The following CNNM2 variants were observed in gnomAD, a reference collection of about 807,000 sequenced individuals.
CNNM2 encodes the protein metal transporter CNNM2.
In CNNM2, 12 loss-of-function variants were observed where a neutral mutation model predicts 66.9. The ratio of observed to expected loss-of-function variants is 0.18; its 90% CI spans 0.11 to 0.29. The LOEUF is 0.29. Ranked by LOEUF, CNNM2 falls within the 10% of genes least tolerant of loss-of-function variation. The pLI is 1.00. For synonymous variants in CNNM2, 557 were observed against 501.8 expected, an observed-to-expected ratio of 1.11 and a Z score of -1.47; for missense variants, 705 against 1,167.7, an observed-to-expected ratio of 0.60 and a Z score of 5.77.
intron 1 of CNNM2, among the ~76,000 whole-genome samples, chr10:103,000,584 G>C (rs1459291369): frequency 6.6e-6 from 1 of 152,044 alleles, no homozygotes; most frequent in Admixed American, 6.6e-5. Flanking sequence ...CTCCCAAGTA[G>C]CTGGGATTAC....
At chr10:103,004,424 TC>T (rs1186299374) in intron 1 of CNNM2, among the ~76,000 whole-genome samples, 2 of 152,208 alleles carry the variant, frequency 1.3e-5, no homozygotes, top group East Asian at 3.8e-4. Context: ...TTGGTGGACA[TC>T]TGTGTGCATT....
intron 1 of CNNM2, among the ~76,000 whole-genome samples, chr10:102,923,295 C>T (rs1845725193): frequency 6.6e-6 from 1 of 152,156 alleles, no homozygotes; most frequent in African/African-American, 2.4e-5. Flanking sequence ...TTATTACTTA[C>T]CTATGTATTC....
At chr10:103,047,654 A>C (rs1173114424) in intron 1 of CNNM2, among the ~76,000 whole-genome samples, 2 of 152,154 alleles carry the variant, frequency 1.3e-5, no homozygotes. Flanking sequence ...AATTATTCCA[A>C]AGTAAGAATT....
At chr10:103,010,019 T>C (rs947865437) in intron 1 of CNNM2, among the ~76,000 whole-genome samples, 1 of 151,956 alleles carries the variant, frequency 6.6e-6, no homozygotes, top group African/African-American at 2.4e-5. Flanking sequence ...TTTATTAAAA[T>C]ATCATGTCAA....
At chr10:103,041,874 A>G (rs1219291864) in intron 1 of CNNM2, among the ~76,000 whole-genome samples, 2 of 151,928 alleles carry the variant, frequency 1.3e-5, no homozygotes, top group African/African-American at 2.4e-5. Context: ...GGGCACCCCC[A>G]TGCTTAGCGC....
chr10:102,952,622 CAAAA>C (rs35818455), intron 1 of CNNM2, among the ~76,000 whole-genome samples: 2 of 127,086 alleles, frequency 1.6e-5, no homozygotes, highest in Admixed American at 7.9e-5. Flanking sequence ...CTGTCTCTAC[CAAAA>C]AAAAAAAAAA....
In CNNM2 at chr10:102,965,993, C is replaced by A. The variant is rs200011695; in HGVS notation, c.1621+45892C>A. On this transcript the variant is annotated intron_variant, in intron 1 of 7. Transcript: ENST00000369878. ...CTTAACCAAGATTTTTGCCAGAAAGCCTTTCCTTCTCTTGGAATTTTATGC... is the reference window on the plus strand; with the variant it reads ...CTTAACCAAGATTTTTGCCAGAAAGACTTTCCTTCTCTTGGAATTTTATGC... Among the ~76,000 whole-genome samples, 11 of 152,192 alleles carry A rather than the reference C, an allele frequency of 7.2e-5. No homozygotes were observed. In the East Asian group the frequency reaches 2.1e-3, roughly 29 times the overall value.
At chr10:103,006,656 T>G (rs1250238187) in intron 1 of CNNM2, among the ~76,000 whole-genome samples, 11 of 152,212 alleles carry the variant, frequency 7.2e-5, no homozygotes. Flanking sequence ...ACTTAGGGTC[T>G]CACTCTGTCA....
intron 1 of CNNM2, among the ~76,000 whole-genome samples, chr10:102,968,915 T>G (rs1272288586): frequency 6.1e-5 from 9 of 148,352 alleles, no homozygotes; most frequent in Non-Finnish European, 1.3e-4. Context: ...GCTGTCTTTT[T>G]TTTTTTTTTT....
intron 1 of CNNM2, among the ~76,000 whole-genome samples, chr10:102,977,580 G>A (rs1338783172): frequency 6.6e-6 from 1 of 152,116 alleles, no homozygotes; most frequent in East Asian, 1.9e-4. Context: ...CAGCACTTTG[G>A]GAGGCCAAGG....
At chr10:102,992,473 A>G (rs1317194764) in intron 1 of CNNM2, among the ~76,000 whole-genome samples, 2 of 151,802 alleles carry the variant, frequency 1.3e-5, no homozygotes, top group African/African-American at 4.8e-5. Flanking sequence ...GGGTTTCACC[A>G]TGTTGGCCAG....
chr10:103,037,289 A>G (rs1198173415), intron 1 of CNNM2, among the ~76,000 whole-genome samples: 2 of 148,908 alleles, frequency 1.3e-5, no homozygotes, highest in Non-Finnish European at 3.0e-5. Flanking sequence ...TTATTTTTAT[A>G]TATAATACAT....
At chr10:102,948,702 G>A (rs1278187712) in intron 1 of CNNM2, among the ~76,000 whole-genome samples, 1 of 152,146 alleles carries the variant, frequency 6.6e-6, no homozygotes, top group Non-Finnish European at 1.5e-5. Context: ...GGTCTTCTGT[G>A]TGGAAAATCT....
intron 1 of CNNM2, among the ~76,000 whole-genome samples, chr10:103,029,899 G>A (rs983619069): frequency 6.6e-6 from 1 of 151,790 alleles, no homozygotes; most frequent in Admixed American, 6.6e-5. Flanking sequence ...AGGAGAGTGA[G>A]ATAGTTATTA....
At chr10:103,034,358 A>C (rs1474525568) in intron 1 of CNNM2, among the ~76,000 whole-genome samples, 3 of 151,822 alleles carry the variant, frequency 2.0e-5, no homozygotes, top group Non-Finnish European at 4.4e-5. Flanking sequence ...AACAAAAAAA[A>C]CCATTACTTT....
intron 1 of CNNM2, among the ~76,000 whole-genome samples, chr10:103,028,814 C>CTTTTTTTTTTTTTT (rs67846722): frequency 1.6e-5 from 2 of 126,180 alleles, no homozygotes; most frequent in Non-Finnish European, 3.2e-5. Flanking sequence ...TTTTCTTTTT[C>CTTTTTTTTTTTTTT]TTTTTTTTTT....
intron 1 of CNNM2, among the ~76,000 whole-genome samples, chr10:102,969,028 T>C (rs930567916): frequency 2.0e-5 from 3 of 150,618 alleles, no homozygotes; most frequent in Non-Finnish European, 4.4e-5. Flanking sequence ...ATCCTCCCAC[T>C]TAAACTTTCC....
chr10:103,056,452 A>G (rs933442289), intron 3 of CNNM2, among the ~76,000 whole-genome samples: 1 of 152,218 alleles, frequency 6.6e-6, no homozygotes, highest in African/African-American at 2.4e-5. Context: ...GTTGGTCGAC[A>G]GTCAGGCTGT....
intron 1 of CNNM2, among the ~76,000 whole-genome samples, chr10:102,980,061 G>A (rs1217639514): frequency 2.0e-5 from 3 of 151,882 alleles, no homozygotes; most frequent in Non-Finnish European, 4.4e-5. Context: ...TTACAGGCAC[G>A]TGCCACCAAG....
Sources: gnomAD v4.1 joint callset for allele counts (sites outside exome capture counted in the v4.1 genomes callset) on GRCh38, gnomAD v4.1.1 for gene constraint, MANE v1.5 for transcripts, NCBI Gene and HGNC (gene_info 2026-07-23, HGNC 2026-07-21) for gene names.